RFX4: variants seen among roughly 807,000 people sequenced by gnomAD.
The protein encoded by RFX4 is transcription factor RFX4.
RFX4 carries 10 observed loss-of-function variants against 95.0 expected under a neutral mutation model. The ratio of observed to expected loss-of-function variants is 0.11; its 90% CI spans 0.06 to 0.18. The LOEUF is 0.18. Among genes scored for constraint, RFX4 ranks in the 10% least tolerant of loss-of-function variants. RFX4 has a pLI of 1.00. For synonymous variants in RFX4, 321 were observed against 340.7 expected (o/e 0.94, Z 0.64); for missense variants, 640 against 922.0 (o/e 0.69, Z 3.96).
chr12:106,673,765 G>A (rs1397589639), intron 4 of RFX4, among the ~76,000 whole-genome samples: 1 of 152,168 alleles, frequency 6.6e-6, no homozygotes, highest in Non-Finnish European at 1.5e-5. Flanking sequence ...ACACAATGCT[G>A]GAGACAACTT....
intron 2 of RFX4, among the ~76,000 whole-genome samples, chr12:106,625,245 T>G (rs1478118784): frequency 6.6e-6 from 1 of 152,196 alleles, no homozygotes; most frequent in Non-Finnish European, 1.5e-5. Flanking sequence ...GTTACGTCCC[T>G]TTAGCAACCC....
chr12:106,655,453 A>T (rs1592902610), intron 4 of RFX4, among the ~76,000 whole-genome samples: 3 of 152,106 alleles, frequency 2.0e-5, no homozygotes. Context: ...GCCCTGTGTT[A>T]AGTAGTGGCA....
At chr12:106,758,806 C>G (rs564232338) in intron 17 of RFX4, among the ~76,000 whole-genome samples, 1 of 152,284 alleles carries the variant, frequency 6.6e-6, no homozygotes, top group East Asian at 1.9e-4. Context: ...AAAGCGTGCT[C>G]CCCAACTGGG....
intron 17 of RFX4, among the ~76,000 whole-genome samples, chr12:106,754,763 G>C (rs1317391484): frequency 6.6e-6 from 1 of 152,194 alleles, no homozygotes; most frequent in African/African-American, 2.4e-5. Context: ...TCCAGACAAG[G>C]TGTGAGAGTC....
intron 15 of RFX4, among the ~76,000 whole-genome samples, chr12:106,737,325 T>C (rs1413958902): frequency 2.6e-5 from 4 of 151,702 alleles, no homozygotes; most frequent in Non-Finnish European, 5.9e-5. Context: ...CACTTTCGGA[T>C]AGGTGGTGAT....
chr12:106,607,294 A>G (rs1001076212), intron 1 of RFX4, among the ~76,000 whole-genome samples: 1 of 152,204 alleles, frequency 6.6e-6, no homozygotes, highest in Admixed American at 6.5e-5. Flanking sequence ...TCAATGACAC[A>G]TAATAAAAGA....
At position 106,761,272 on chromosome 12, in the gene RFX4, G is replaced by C. The variant is rs771125397; in HGVS notation, c.2011G>C (p.Val671Leu). The change falls in exon 18 of 18, where the codon GTC (valine) becomes CTC (leucine). Residue 671 changes from valine to leucine, a missense_variant. Physicochemically the swap from Val to Leu is conservative, Grantham distance 32. Around this residue, in one of 7 missense-constraint regions of RFX4, gnomAD observed 300 missense variants for 346.8 expected, o/e 0.87. Transcript: ENST00000392842. ...SSTPRLHPTP[V>L]TPRWPEVPSA... ...TACTCCCAGACTGCATCCTACCCCA[G>C]TCACTCCCCGCTGGCCAGAGGTGCC... 6.2e-7 allele frequency: 1 copy of C among 1,614,030 alleles called. No homozygotes were observed. The highest frequency in any genetic ancestry group is 1.1e-5 in the South Asian group (1 of 91,076).
chr12:106,746,676 G>T (rs1842175011), intron 15 of RFX4, among the ~76,000 whole-genome samples: 1 of 152,160 alleles, frequency 6.6e-6, no homozygotes, highest in Admixed American at 6.5e-5. Flanking sequence ...TATGGAATAG[G>T]TCACTGTCCA....
At chr12:106,663,416 C>A (rs948467867) in intron 4 of RFX4, among the ~76,000 whole-genome samples, 1 of 151,974 alleles carries the variant, frequency 6.6e-6, no homozygotes, top group African/African-American at 2.4e-5. Context: ...TTGTATCTTG[C>A]AACCTTGCTT....
In RFX4 at chr12:106,675,648, T is replaced by C. The variant is rs529204911; in HGVS notation, c.316-6345T>C. 5.9e-5 allele frequency among the ~76,000 whole-genome samples: 9 copies of C among 152,308 alleles called. No individual in the cohort carries two copies. In the South Asian group the frequency reaches 1.7e-3, roughly 28 times the overall value. ...ACTTTAATTTTAAAAAAAGATTCTA[T>C]GGATCACATAACTACGGTCACCCAA... On this transcript the variant is annotated intron_variant, in intron 4 of 17. Transcript: ENST00000392842.
At chr12:106,593,831 G>A (rs1394778143) in intron 1 of RFX4, among the ~76,000 whole-genome samples, 2 of 152,192 alleles carry the variant, frequency 1.3e-5, no homozygotes, top group Non-Finnish European at 2.9e-5. Context: ...TCATGAATAA[G>A]TCAAGTTTCT....
intron 17 of RFX4, among the ~76,000 whole-genome samples, chr12:106,751,027 C>T (rs1278594598): frequency 1.3e-5 from 2 of 151,402 alleles, no homozygotes; most frequent in Non-Finnish European, 2.9e-5. Flanking sequence ...TGCTGGTGTG[C>T]TGCACCCACT....
chr12:106,716,350 C>T (rs755175004), intron 11 of RFX4, among the ~76,000 whole-genome samples: 3 of 152,072 alleles, frequency 2.0e-5, no homozygotes, highest in Non-Finnish European at 4.4e-5. Flanking sequence ...CCAATAGTGA[C>T]ACTGCTTGGG....
At chr12:106,702,465 T>C (rs2042010074) in intron 8 of RFX4, among the ~76,000 whole-genome samples, 1 of 152,186 alleles carries the variant, frequency 6.6e-6, no homozygotes, top group Non-Finnish European at 1.5e-5. Context: ...ATTTGTTGGG[T>C]TGTTTCCCTT....
intron 4 of RFX4, among the ~76,000 whole-genome samples, chr12:106,657,400 C>T (rs1244699204): frequency 2.6e-5 from 4 of 152,090 alleles, no homozygotes; most frequent in Admixed American, 1.3e-4. Context: ...GTTGGGATAC[C>T]GTTCTTCATA....
intron 16 of RFX4, among the ~76,000 whole-genome samples, chr12:106,749,503 A>T (rs1258268405): frequency 6.6e-6 from 1 of 152,148 alleles, no homozygotes; most frequent in African/African-American, 2.4e-5. Flanking sequence ...TCGGGCAACC[A>T]TTATTTTCTC....
intron 2 of RFX4, among the ~76,000 whole-genome samples, chr12:106,624,895 A>G (rs2040260768): frequency 6.6e-6 from 1 of 151,980 alleles, no homozygotes; most frequent in African/African-American, 2.4e-5. Context: ...GTATCTCTGG[A>G]CCGGGCCAAT....
At chr12:106,756,355 G>T (rs2043108204) in intron 17 of RFX4, among the ~76,000 whole-genome samples, 1 of 152,142 alleles carries the variant, frequency 6.6e-6, no homozygotes, top group African/African-American at 2.4e-5. Flanking sequence ...AGTGGAACTG[G>T]GGACCTTGAG....
chr12:106,701,399 G>A (rs1277758907), intron 8 of RFX4, among the ~76,000 whole-genome samples: 1 of 151,920 alleles, frequency 6.6e-6, no homozygotes, highest in Non-Finnish European at 1.5e-5. Context: ...TGAGCTTCTC[G>A]GATCTGTGCT....
Sources: allele counts gnomAD v4.1 joint callset (sites outside exome capture counted in the v4.1 genomes callset), GRCh38; gene constraint gnomAD v4.1.1; regional missense constraint gnomAD v4.1.1; transcripts MANE v1.5; gene names NCBI Gene and HGNC (gene_info 2026-07-23, HGNC 2026-07-21).